Variants in BCAT1 observed in about 807,000 individuals in gnomAD.
The protein encoded by BCAT1 is branched-chain-amino-acid aminotransferase, cytosolic.
Under a neutral mutation model 52.4 loss-of-function variants are expected in BCAT1, and 48 were observed. The observed-to-expected ratio is 0.92, with a 90% CI of 0.73 to 1.16. BCAT1 has a LOEUF of 1.16. BCAT1 is among the 50% of genes most tolerant of loss of function. The probability of loss-of-function intolerance (pLI) is 0.00; values close to 1 mark genes in which losing one functional copy is unlikely to be tolerated. For synonymous variants in BCAT1, 167 were observed against 161.3 expected (o/e 1.04, Z -0.27); for missense variants, 451 against 457.1 (o/e 0.99, Z 0.12).
At chr12:24,912,926 T>C (rs12830129) in intron 1 of BCAT1, among the ~76,000 whole-genome samples, 12,188 of 152,208 alleles carry the variant, frequency 0.08, 659 homozygotes, top group Non-Finnish European at 0.12. Flanking sequence ...ACAAATTTAT[T>C]TGATCATAAT....
At chr12:24,869,071 G>C (rs936605381) in intron 5 of BCAT1, among the ~76,000 whole-genome samples, 7 of 152,318 alleles carry the variant, frequency 4.6e-5, no homozygotes, top group South Asian at 2.1e-4. Flanking sequence ...CAACATAATT[G>C]GTTCTCAGGG....
chr12:24,921,000 T>C (rs1037142488), intron 1 of BCAT1, among the ~76,000 whole-genome samples: 6 of 152,144 alleles, frequency 3.9e-5, no homozygotes, highest in Admixed American at 3.3e-4. Flanking sequence ...GGAGTTGGGA[T>C]GTGCCACCCT....
intron 2 of BCAT1, among the ~76,000 whole-genome samples, chr12:24,899,279 C>T (rs1943032683): frequency 6.6e-6 from 1 of 151,902 alleles, no homozygotes; most frequent in South Asian, 2.1e-4. Flanking sequence ...ACCCAAAAGG[C>T]CATATGAAAT....
chr12:24,842,297 G>T, intron 6 of BCAT1, 73 bp from the exon 7 acceptor site: 1 of 1,527,862 alleles, frequency 6.5e-7, no homozygotes, highest in African/African-American at 1.4e-5. Flanking sequence ...CCCTCTGATA[G>T]CCTCAAGCTC....
In BCAT1 at chr12:24,878,644, A is replaced by G; in HGVS notation, c.396T>C (p.Phe132=). The change falls in exon 5 of 11, where the codon TTT becomes TTC. Residue 132 remains phenylalanine (F), a synonymous_variant. Transcript: ENST00000261192. ...RSAVRATLPV[F]DKEELLECIQ... ...TACACTCTAAGAGCTCTTCTTTGTC[A>G]AATACCTGAAAGAATGAAAAACATA... The G allele has an allele frequency of 6.3e-7, 1 of 1,599,256 alleles. No individual in the cohort carries two copies. The highest frequency in any genetic ancestry group is 8.5e-7 in the Non-Finnish European group (1 of 1,173,696).
In BCAT1 at chr12:24,812,189, T is replaced by C. The variant is rs907483451; in HGVS notation, c.*5819A>G. ...ACCCTGAGAATGAGTTTAATGATCA[T>C]AGGAAACTAGTTTGAGGAAACTGCA... On this transcript the variant is annotated 3_prime_UTR_variant, in exon 11 of 11. Transcript: ENST00000261192. The C allele has an allele frequency of 2.0e-5, 3 of 152,242 alleles. No homozygotes were observed. The highest frequency in any genetic ancestry group is 4.1e-4 in the South Asian group (2 of 4,830). The allele number at this position is 152,242 out of a possible 1,614,324, so 9.4% of individuals were successfully genotyped here. A position where few individuals can be genotyped will look rare whatever the true frequency, so the allele number is the denominator to read the frequency against.
chr12:24,949,329 G>A, upstream of BCAT1: 1 of 267,712 alleles, frequency 3.7e-6, no homozygotes, highest in Non-Finnish European at 7.1e-6. Flanking sequence ...CAGCCACTGT[G>A]GGTGCGTATC....
intron 3 of BCAT1, among the ~76,000 whole-genome samples, chr12:24,891,915 AT>A (rs10616253): frequency 0.49 from 70,236 of 144,178 alleles, 17,127 homozygotes; most frequent in East Asian, 0.58. Flanking sequence ...CGCCCGGCTA[AT>A]TTTTTTTTTT....
At position 24,833,983 on chromosome 12, in the gene BCAT1, A is replaced by T. The variant is rs774789358; in HGVS notation, c.904-1120T>A. On this transcript the variant is annotated intron_variant, in intron 8 of 10. Coordinates refer to ENST00000261192, the MANE Select transcript of BCAT1 (RefSeq NM_005504.7). ...CTACAGGTGTATGCTGCCATGCCCAACTAGGTTTTATATTTTATATTTTAT... is the reference window on the plus strand; with the variant it reads ...CTACAGGTGTATGCTGCCATGCCCATCTAGGTTTTATATTTTATATTTTAT... 7.8e-5 allele frequency: 17 copies of T among 218,220 alleles called. 1 individual carries two copies. Among genetic ancestry groups the T allele is most frequent in the Non-Finnish European group, 1.2e-4 (15 of 128,862 alleles). 13.5% of individuals were successfully genotyped at this position (218,220 alleles called of 1,614,324 possible). A position where few individuals can be genotyped will look rare whatever the true frequency, so the allele number is the denominator to read the frequency against.
intron 3 of BCAT1, among the ~76,000 whole-genome samples, chr12:24,888,082 G>C (rs1047335608): frequency 6.6e-6 from 1 of 152,190 alleles, no homozygotes; most frequent in African/African-American, 2.4e-5. Flanking sequence ...AAGTCTGTCA[G>C]TCTAAGAGAA....
Position 24,836,497 on chromosome 12 carries a change from T to C in BCAT1, c.903+14A>G. ...TTCAGGCTTACAAAAGTTGTTCATA[T>C]CAAAGGCACCCACCCACTGATGTGC... On this transcript the variant is annotated intron_variant, in intron 8 of 10. Transcript: ENST00000261192. The C allele has an allele frequency of 6.2e-7, 1 of 1,604,896 alleles. No homozygotes were observed.
chr12:24,905,199 T>A (rs971301123), intron 1 of BCAT1, among the ~76,000 whole-genome samples: 1 of 152,124 alleles, frequency 6.6e-6, no homozygotes, highest in African/African-American at 2.4e-5. Flanking sequence ...AGCTAAAGAA[T>A]AATTTTAAAA....
At chr12:24,912,289 C>A (rs535026112) in intron 1 of BCAT1, among the ~76,000 whole-genome samples, 5 of 151,766 alleles carry the variant, frequency 3.3e-5, no homozygotes, top group Non-Finnish European at 4.4e-5. Flanking sequence ...CCGAGGCGGG[C>A]GGATCACGAG....
chr12:24,867,052 C>T (rs539815656), intron 5 of BCAT1, among the ~76,000 whole-genome samples: 2 of 152,242 alleles, frequency 1.3e-5, no homozygotes, highest in East Asian at 1.9e-4. Flanking sequence ...AGCGAGACCA[C>T]GAACCCACCG....
intron 1 of BCAT1, among the ~76,000 whole-genome samples, chr12:24,919,786 C>G (rs552474589): frequency 1.3e-5 from 2 of 152,256 alleles, no homozygotes; most frequent in East Asian, 1.9e-4. Context: ...GTGGGAGGGA[C>G]CCAATGGAAG....
At chr12:24,925,902 C>A (rs1438426054) in intron 1 of BCAT1, among the ~76,000 whole-genome samples, 3 of 152,236 alleles carry the variant, frequency 2.0e-5, no homozygotes, top group Admixed American at 6.5e-5. Context: ...CTCAATGTTG[C>A]CCAAGCTGGA....
At chr12:24,903,248 T>A in intron 1 of BCAT1, 1 of 695,290 alleles carries the variant, frequency 1.4e-6, no homozygotes, top group Non-Finnish European at 2.0e-6. Flanking sequence ...GTCACCGGGG[T>A]CGCTTGCGGA....
At chr12:24,924,150 T>C (rs1033989112) in intron 1 of BCAT1, among the ~76,000 whole-genome samples, 2 of 152,184 alleles carry the variant, frequency 1.3e-5, no homozygotes, top group African/African-American at 4.8e-5. Context: ...GAGAAGACCA[T>C]AAATTACCAA....
At chr12:24,834,684 A>G in intron 8 of BCAT1, 5 of 1,012,866 alleles carry the variant, frequency 4.9e-6, no homozygotes, top group Non-Finnish European at 5.9e-6. Flanking sequence ...TATATCTGCA[A>G]TAGAAATATG....
Sources: allele counts gnomAD v4.1 joint callset (sites outside exome capture counted in the v4.1 genomes callset), GRCh38; gene constraint gnomAD v4.1.1; transcripts MANE v1.5; gene names NCBI Gene and HGNC (gene_info 2026-07-23, HGNC 2026-07-21).